CPNE5: variants seen among roughly 807,000 people sequenced by gnomAD.
CPNE5 encodes copine 5, also known as copine-5.
Under a neutral mutation model 81.1 loss-of-function variants are expected in CPNE5, and 42 were observed. The ratio of observed to expected loss-of-function variants is 0.52; its 90% confidence interval spans 0.40 to 0.67. CPNE5 has a LOEUF of 0.67. Among genes scored for constraint, CPNE5 ranks in the 30% least tolerant of loss-of-function variants. The probability of loss-of-function intolerance (pLI) is 0.00; values close to 1 mark genes in which losing one functional copy is unlikely to be tolerated. For synonymous variants in CPNE5, 313 were observed against 321.5 expected, an observed-to-expected ratio of 0.97 and a Z score of 0.28; for missense variants, 612 against 815.5, an observed-to-expected ratio of 0.75 and a Z score of 3.04.
rs556534182 is a variant in CPNE5, at chr6:36,776,110, A to G, written c.633-1045T>C. ...GGTGTCCCTGCCCATGCCCCACGCCATGCTTGGCTGGACCCATCCTGGAGG... is the reference window on the plus strand; with the variant it reads ...GGTGTCCCTGCCCATGCCCCACGCCGTGCTTGGCTGGACCCATCCTGGAGG... On this transcript the variant is annotated intron_variant, in intron 9 of 20. Transcript: ENST00000244751. Among the ~76,000 whole-genome samples, 136 of 152,264 alleles carry G rather than the reference A, an allele frequency of 8.9e-4. 1 individual carries two copies. The highest frequency in any genetic ancestry group is 3.2e-3 in the African/African-American group (132 of 41,550).
intron 8 of CPNE5, 145 bp from the exon 9 acceptor site, chr6:36,779,102 G>A (rs1242480836): frequency 1.0e-5 from 6 of 575,074 alleles, no homozygotes; most frequent in East Asian, 5.5e-5. Context: ...ATCCTCAGAC[G>A]GCCCCCCAGC....
intron 8 of CPNE5, among the ~76,000 whole-genome samples, chr6:36,787,596 T>C (rs554018352): frequency 4.6e-5 from 7 of 152,298 alleles, no homozygotes; most frequent in Admixed American, 2.6e-4. Context: ...TGCTCTCATG[T>C]GATTGCCGGT....
In CPNE5 at chr6:36,823,054, T is replaced by C. The variant is rs1422478228; in HGVS notation, c.136+4A>G. 1 of 1,574,330 alleles carries C rather than the reference T, an allele frequency of 6.4e-7. No individual in the cohort carries two copies. The highest frequency in any genetic ancestry group is 2.3e-5 in the East Asian group (1 of 42,660). On this transcript the variant is annotated splice_donor_region_variant and intron_variant, in intron 2 of 20. Coordinates refer to ENST00000244751, the MANE Select transcript of CPNE5 (RefSeq NM_020939.2). ...ACCGTTCTTATTGTCAGAGCAGGAC[T>C]TACGTGGGTCGGACTTGGAAAACAT...
intron 8 of CPNE5, among the ~76,000 whole-genome samples, chr6:36,779,502 G>A (rs572042362): frequency 6.6e-6 from 1 of 152,306 alleles, no homozygotes; most frequent in African/African-American, 2.4e-5. Flanking sequence ...CCTATGTGTG[G>A]TTCCTGGAGG....
At position 36,768,225 on chromosome 6, in the gene CPNE5, C is replaced by CTTTT. The variant is rs10586762; in HGVS notation, c.738-2853_738-2850dup. The stretch of plus-strand genomic sequence containing the variant: ...GGCTTTGACTACTCTATTCACAGTT[C>CTTTT]TTTTTTTTTTTTTTTTTTTTTTTTT... On this transcript the variant is annotated intron_variant, in intron 10 of 20. Coordinates refer to ENST00000244751, the MANE Select transcript of CPNE5 (RefSeq NM_020939.2). Among the ~76,000 whole-genome samples, 28 of 60,506 alleles carry CTTTT rather than the reference C, an allele frequency of 4.6e-4. 5 individuals are homozygous for CTTTT. The highest frequency in any genetic ancestry group is 9.6e-4 in the African/African-American group (15 of 15,706). 39.7% of individuals were successfully genotyped at this position (60,506 alleles called of 152,430 possible). A position where few individuals can be genotyped will look rare whatever the true frequency, so the allele number is the denominator to read the frequency against.
intron 3 of CPNE5, among the ~76,000 whole-genome samples, chr6:36,807,977 G>A (rs9470406): frequency 0.037 from 5,570 of 152,344 alleles, 281 homozygotes; most frequent in African/African-American, 0.12. Context: ...TGGAAGCCAC[G>A]TAGTGAAAGT....
intron 10 of CPNE5, among the ~76,000 whole-genome samples, chr6:36,768,674 G>A (rs1766795071): frequency 6.6e-6 from 1 of 152,198 alleles, no homozygotes; most frequent in Admixed American, 6.5e-5. Context: ...TGACTTCTGG[G>A]GCCGGCACCC....
intron 1 of CPNE5, among the ~76,000 whole-genome samples, chr6:36,835,006 C>G (rs1322077254): frequency 6.6e-6 from 1 of 152,160 alleles, no homozygotes; most frequent in Non-Finnish European, 1.5e-5. Flanking sequence ...CCCGAACAGA[C>G]AGCAGAAAAC....
At chr6:36,764,690 G>T (rs1766385515) in intron 11 of CPNE5, among the ~76,000 whole-genome samples, 1 of 152,092 alleles carries the variant, frequency 6.6e-6, no homozygotes, top group East Asian at 1.9e-4. Flanking sequence ...ACCCCGAGTG[G>T]GAAGCACCCT....
chr6:36,821,429 G>A (rs1169684167), intron 3 of CPNE5, among the ~76,000 whole-genome samples: 2 of 152,132 alleles, frequency 1.3e-5, no homozygotes, highest in East Asian at 1.9e-4. Context: ...CTCTGGCCGC[G>A]GGGTGAGGAA....
Position 36,810,230 on chromosome 6 carries a change from G to T in CPNE5, c.184-10160C>A, listed in dbSNP as rs79079047. Among the ~76,000 whole-genome samples, 28 of 152,144 alleles carry T rather than the reference G, an allele frequency of 1.8e-4. No individual in the cohort carries two copies. In the South Asian group the frequency reaches 3.7e-3, roughly 20 times the overall value. ...ACAAATTACAGCTGGATTGAGCTTC[G>T]GAGCCATCCCCCAGCTGCAAAGCCC... On this transcript the variant is annotated intron_variant, in intron 3 of 20. Coordinates refer to ENST00000244751, the MANE Select transcript of CPNE5 (RefSeq NM_020939.2).
At chr6:36,832,842 G>A (rs560497142) in intron 1 of CPNE5, among the ~76,000 whole-genome samples, 2 of 151,744 alleles carry the variant, frequency 1.3e-5, no homozygotes, top group East Asian at 1.9e-4. Context: ...AGACCATCTC[G>A]AGTATCGCCT....
At chr6:36,743,114 G>T (rs1002191057) in intron 20 of CPNE5, 2 of 985,234 alleles carry the variant, frequency 2.0e-6, no homozygotes, top group African/African-American at 1.7e-5. Context: ...AAACCAAGGG[G>T]GTATGCAGGA....
chr6:36,790,577 T>A (rs927828683), intron 8 of CPNE5, among the ~76,000 whole-genome samples: 1 of 152,224 alleles, frequency 6.6e-6, no homozygotes, highest in African/African-American at 2.4e-5. Flanking sequence ...GTTATTGTTG[T>A]TTTTCAAAAT....
intron 9 of CPNE5, among the ~76,000 whole-genome samples, chr6:36,777,844 T>C (rs1767688002): frequency 6.9e-6 from 1 of 144,268 alleles, no homozygotes; most frequent in South Asian, 2.3e-4. Context: ...CTTTCTGCCC[T>C]CTGGGCACAC....
At chr6:36,827,007 T>C (rs1772557304) in intron 1 of CPNE5, among the ~76,000 whole-genome samples, 1 of 151,994 alleles carries the variant, frequency 6.6e-6, no homozygotes. Context: ...CGGTGCTGAG[T>C]GGAGCCGTCA....
At chr6:36,813,301 A>T (rs904621400) in intron 3 of CPNE5, among the ~76,000 whole-genome samples, 10 of 152,090 alleles carry the variant, frequency 6.6e-5, no homozygotes, top group African/African-American at 2.4e-4. Flanking sequence ...GAGGTTTAGG[A>T]GGGAGGATCA....
chr6:36,819,778 G>C (rs908806128), intron 3 of CPNE5, among the ~76,000 whole-genome samples: 1 of 152,212 alleles, frequency 6.6e-6, no homozygotes, highest in African/African-American at 2.4e-5. Flanking sequence ...TCTTAGTGGA[G>C]ACCCCAGGCG....
At chr6:36,789,885 G>C (rs1208708957) in intron 8 of CPNE5, among the ~76,000 whole-genome samples, 1 of 152,180 alleles carries the variant, frequency 6.6e-6, no homozygotes. Flanking sequence ...CAGATCCACT[G>C]AGATTAACAG....
Sources: allele counts gnomAD v4.1 joint callset (sites outside exome capture counted in the v4.1 genomes callset), GRCh38; gene constraint gnomAD v4.1.1; transcripts MANE v1.5; gene names NCBI Gene and HGNC (gene_info 2026-07-23, HGNC 2026-07-21).